The following PAN3 variants were observed in gnomAD, a reference collection of about 807,000 sequenced individuals.
PAN3 encodes poly(A) specific ribonuclease subunit PAN3.
A neutral mutation model predicts 96.2 loss-of-function variants in PAN3; 19 were observed. That is an observed-to-expected ratio of 0.20 (90% CI 0.14 to 0.29). The LOEUF (loss-of-function observed/expected upper bound fraction) is 0.29. Among genes scored for constraint, PAN3 ranks in the 10% least tolerant of loss-of-function variants. The pLI is 1.00. For synonymous variants in PAN3, 433 were observed against 406.6 expected, an observed-to-expected ratio of 1.06 and a Z score of -0.78; for missense variants, 882 against 1,108.1, an observed-to-expected ratio of 0.80 and a Z score of 2.90.
At chr13:28,290,306 G>A (rs568658224) in intron 18 of PAN3, among the ~76,000 whole-genome samples, 3 of 151,820 alleles carry the variant, frequency 2.0e-5, no homozygotes, top group Non-Finnish European at 4.4e-5. Flanking sequence ...AAAATGTTAC[G>A]GTTTGTTTTT....
Position 28,138,902 on chromosome 13 carries a change from A to G in PAN3, c.245A>G (p.His82Arg), listed in dbSNP as rs1372261271. Residue 82 changes from histidine to arginine, a missense_variant, in exon 1 of 19, where the codon CAT becomes CGT. His to Arg is a conservative substitution (Grantham distance 29, BLOSUM62 0). This residue lies in a region of PAN3 where 442 missense variants were observed against 422.8 expected (regional missense o/e 1.05). Transcript: ENST00000380958. ...GGGGCTGCCCCGGGCCTCGGCCTCC[A>G]TAGCAACAGCGTCCCCCTGGCTCTG... ...AAGAAPGLGL[H>R]SNSVPLALAG... 2 of 1,390,476 alleles carry G rather than the reference A, an allele frequency of 1.4e-6. No individual in the cohort carries two copies. Among genetic ancestry groups the G allele is most frequent in the Non-Finnish European group, 1.9e-6 (2 of 1,076,714 alleles). The allele number at this position is 1,390,476 out of a possible 1,614,324, so 86.1% of individuals were successfully genotyped here.
Position 28,257,692 on chromosome 13 carries a change from AT to A in PAN3, c.1248+1154del, listed in dbSNP as rs1382394899. ...TATGTAAAGTTATTAAATTATATAA[AT>A]ATATATTATATATATTATATATAAT... On this transcript the variant is annotated intron_variant, in intron 7 of 18. Transcript: ENST00000380958. Among the ~76,000 whole-genome samples the A allele has an allele frequency of 2.9e-5, 4 of 138,588 alleles. No homozygotes were observed. The East Asian group carries it at 7.9e-4, about 27-fold the overall frequency. The allele number at this position is 138,588 out of a possible 152,430, so 90.9% of individuals were successfully genotyped here.
chr13:28,138,742 G>A lies in PAN3; in HGVS notation c.85G>A (p.Ala29Thr). Residue 29 changes from alanine (A) to threonine (T), a missense_variant, in exon 1 of 19, where the codon GCC becomes ACC. Coordinates refer to ENST00000380958, the MANE Select transcript of PAN3 (RefSeq NM_175854.8). Reference protein sequence around the residue: ...SSLAAAVAVVAPPGVGGVPGG... With the variant: ...SSLAAAVAVVTPPGVGGVPGG... ...GCTGGCGGCGGCGGTGGCGGTGGTGGCCCCGCCGGGGGTCGGGGGTGTCCC... is the reference window on the plus strand; with the variant it reads ...GCTGGCGGCGGCGGTGGCGGTGGTGACCCCGCCGGGGGTCGGGGGTGTCCC... The A allele has an allele frequency of 1.5e-6, 2 of 1,303,044 alleles. No homozygotes were observed. The highest frequency in any genetic ancestry group is 2.0e-6 in the Non-Finnish European group (2 of 1,023,918). The allele number at this position is 1,303,044 out of a possible 1,614,324, so 80.7% of individuals were successfully genotyped here.
At chr13:28,262,259 C>T (rs1180968202) in intron 9 of PAN3, among the ~76,000 whole-genome samples, 1 of 152,200 alleles carries the variant, frequency 6.6e-6, no homozygotes, top group Non-Finnish European at 1.5e-5. Context: ...GTTGTTCTAA[C>T]TGTACCACAA....
rs117048675 is a variant in PAN3 at position 28,162,644 on chromosome 13, C to T, written c.431-11628C>T. ...CCTGGGCAACAGAGTGAGACTCTGC[C>T]TTAAAAAAAAAAAAGCATTTAATTG... On this transcript the variant is annotated intron_variant, in intron 1 of 18. Coordinates refer to ENST00000380958, the MANE Select transcript of PAN3 (RefSeq NM_175854.8). Among the ~76,000 whole-genome samples, 220 of 147,198 alleles carry T rather than the reference C, an allele frequency of 1.5e-3. No individual in the cohort carries two copies. In the East Asian group the frequency reaches 0.015, roughly 10 times the overall value.
intron 4 of PAN3, among the ~76,000 whole-genome samples, chr13:28,194,467 T>TA (rs1491280126): frequency 0.1 from 10,271 of 97,986 alleles, 255 homozygotes; most frequent in South Asian, 0.19. Flanking sequence ...TATATATATA[T>TA]TTTTTTTTTT....
intron 14 of PAN3, among the ~76,000 whole-genome samples, chr13:28,275,756 C>G (rs1057139621): frequency 2.6e-5 from 4 of 152,124 alleles, no homozygotes; most frequent in Non-Finnish European, 5.9e-5. Flanking sequence ...TGCCAGCTTC[C>G]CTCCTGCCAT....
chr13:28,190,022 C>G (rs1877034732), intron 4 of PAN3, among the ~76,000 whole-genome samples: 1 of 152,182 alleles, frequency 6.6e-6, no homozygotes, highest in East Asian at 1.9e-4. Context: ...TGACTCACTG[C>G]AAACTCTGCC....
In PAN3 at chr13:28,260,428, C is replaced by A; in HGVS notation, c.1249-19C>A. ...AAGAAAAATGAGTGATTACATTTAC[C>A]CCCTTCCTACCTTTTTAGGTGTTTC... is the stretch of plus-strand genomic sequence containing the variant. On this transcript the variant is annotated intron_variant, in intron 7 of 18. Coordinates refer to ENST00000380958, the MANE Select transcript of PAN3 (RefSeq NM_175854.8). 2 of 1,545,594 alleles carry A rather than the reference C, an allele frequency of 1.3e-6. No homozygotes were observed. Among genetic ancestry groups the A allele is most frequent in the Non-Finnish European group, 1.8e-6 (2 of 1,118,558 alleles).
rs778910218 is a variant in PAN3 at position 28,270,709 on chromosome 13, G to A, written c.1801G>A (p.Glu601Lys). 4 of 1,613,744 alleles carry A rather than the reference G, an allele frequency of 2.5e-6. No homozygotes were observed. In the South Asian group the frequency reaches 3.3e-5, roughly 13 times the overall value. ...YFTKRKWGQH[E>K]GPLPRQHAGL... ...ATTTCTTTGCTGTATAGGTCAGCAC[G>A]AGGGACCATTGCCCAGGCAGCATGC... The change falls in exon 13 of 19, where the codon GAG (glutamate) becomes AAG (lysine). Residue 601 changes from glutamate (E) to lysine (K), a missense_variant. Coordinates refer to ENST00000380958, the MANE Select transcript of PAN3 (RefSeq NM_175854.8).
rs1380387244 is a variant in PAN3, at chr13:28,139,127, G to A, written c.430+40G>A. 10 of 1,269,540 alleles carry A rather than the reference G, an allele frequency of 7.9e-6. No individual in the cohort carries two copies. In the African/African-American group the frequency reaches 1.6e-4, roughly 20 times the overall value. The allele number at this position is 1,269,540 out of a possible 1,614,324, so 78.6% of individuals were successfully genotyped here. A position where few individuals can be genotyped will look rare whatever the true frequency, so the allele number is the denominator to read the frequency against. On this transcript the variant is annotated intron_variant, in intron 1 of 18. Coordinates refer to ENST00000380958, the MANE Select transcript of PAN3 (RefSeq NM_175854.8). ...GGCGGGGCGGGCCGCGGCGGCGGAGGGCAGGCCTGGGCCGGATGAGGCCCT... is the reference window on the plus strand; with the variant it reads ...GGCGGGGCGGGCCGCGGCGGCGGAGAGCAGGCCTGGGCCGGATGAGGCCCT...
intron 4 of PAN3, among the ~76,000 whole-genome samples, chr13:28,190,634 C>T (rs1029755231): frequency 2.0e-5 from 3 of 152,116 alleles, no homozygotes; most frequent in Non-Finnish European, 4.4e-5. Flanking sequence ...ATACCCGAGA[C>T]TGGGTAATTT....
intron 6 of PAN3, among the ~76,000 whole-genome samples, chr13:28,233,709 C>T (rs1374447505): frequency 6.6e-6 from 1 of 152,134 alleles, no homozygotes; most frequent in African/African-American, 2.4e-5. Flanking sequence ...AGAGGTACCT[C>T]AGGATGTCAT....
rs540871038 is a variant in PAN3 at position 28,259,430 on chromosome 13, C to G, written c.1249-1017C>G. ...AAATGATTCTCCTGCCTCAACCTCC[C>G]GAGTAACTGGGAGTACAGGTGCATG... On this transcript the variant is annotated intron_variant, in intron 7 of 18. Transcript: ENST00000380958. Among the ~76,000 whole-genome samples, 81 of 151,748 alleles carry G rather than the reference C, an allele frequency of 5.3e-4. 2 individuals are homozygous for G. The South Asian group carries it at 0.016, about 30-fold the overall frequency.
intron 1 of PAN3, among the ~76,000 whole-genome samples, chr13:28,143,034 G>T (rs528046609): frequency 4.6e-5 from 7 of 152,142 alleles, no homozygotes; most frequent in African/African-American, 1.7e-4. Flanking sequence ...AAGCACAAAG[G>T]CTTTTTCTTA....
At chr13:28,213,218 A>G (rs1054809188) in intron 5 of PAN3, among the ~76,000 whole-genome samples, 4 of 152,216 alleles carry the variant, frequency 2.6e-5, no homozygotes, top group African/African-American at 9.6e-5. Context: ...TTCATTAGGT[A>G]TAAGTAATCT....
chr13:28,200,777 T>C (rs1483708427), intron 5 of PAN3, among the ~76,000 whole-genome samples: 1 of 152,216 alleles, frequency 6.6e-6, no homozygotes, highest in Non-Finnish European at 1.5e-5. Flanking sequence ...GTTTGAGATA[T>C]TGATAAGACC....
chr13:28,214,088 CA>C (rs2138339954), intron 5 of PAN3, among the ~76,000 whole-genome samples: 1 of 150,568 alleles, frequency 6.6e-6, no homozygotes, highest in South Asian at 2.1e-4. Flanking sequence ...ACCCTGTCTC[CA>C]AAAGAAAAAA....
At chr13:28,277,104 A>C in intron 14 of PAN3, 133 bp from the exon 15 acceptor site, 1 of 844,208 alleles carries the variant, frequency 1.2e-6, no homozygotes, top group Admixed American at 3.3e-5. Flanking sequence ...TATTCTGAGA[A>C]TCACCAGTAT....
Sources: allele counts gnomAD v4.1 joint callset (sites outside exome capture counted in the v4.1 genomes callset), GRCh38; gene constraint gnomAD v4.1.1; regional missense constraint gnomAD v4.1.1; transcripts MANE v1.5; gene names NCBI Gene and HGNC (gene_info 2026-07-23, HGNC 2026-07-21).